Variants in ADGRE2 observed in about 807,000 individuals in gnomAD.
The protein encoded by ADGRE2 is CD97 antigen.
ADGRE2 carries 83 observed loss-of-function variants against 100.8 expected under a neutral mutation model. The observed-to-expected ratio is 0.82, with a 90% CI of 0.69 to 0.99. ADGRE2 has a LOEUF of 0.99. Among genes scored for constraint, ADGRE2 ranks in the 50% least tolerant of loss-of-function variants. The pLI is 0.00. For synonymous variants in ADGRE2, 355 were observed against 413.0 expected (o/e 0.86, Z 1.70); for missense variants, 814 against 1,035.7 (o/e 0.79, Z 2.94).
chr19:14,755,111 T>C lies in ADGRE2; in HGVS notation c.1433A>G (p.Gln478Arg), dbSNP rs1265489811. The C allele has an allele frequency of 6.2e-7, 1 of 1,613,900 alleles. No individual in the cohort carries two copies. Among genetic ancestry groups the C allele is most frequent in the Non-Finnish European group, 8.5e-7 (1 of 1,179,932 alleles). Residue 478 changes from glutamine (Q) to arginine (R), a missense_variant, in exon 14 of 21, where the codon CAG (glutamine) becomes CGG (arginine). Gln to Arg is a conservative substitution (Grantham distance 43, BLOSUM62 1). Coordinates refer to ENST00000315576, the MANE Select transcript of ADGRE2 (RefSeq NM_013447.4). ...CTCCCAGAAGACACAGAGCACCTTCTGTCTCGGGATCACTGACTGCAGGAA... is the reference window on the plus strand; with the variant it reads ...CTCCCAGAAGACACAGAGCACCTTCCGTCTCGGGATCACTGACTGCAGGAA... ...TFSHRSVIPR[Q>R]KVLCVFWEHG...
At chr19:14,768,621 C>T (rs1216524585) in intron 5 of ADGRE2, among the ~76,000 whole-genome samples, 3 of 152,158 alleles carry the variant, frequency 2.0e-5, no homozygotes, top group East Asian at 1.9e-4. Context: ...CCTCTCTTGC[C>T]ATTGGGTCCA....
At chr19:14,773,165 C>T (rs377416466) in intron 4 of ADGRE2, among the ~76,000 whole-genome samples, 2 of 150,582 alleles carry the variant, frequency 1.3e-5, no homozygotes, top group East Asian at 3.9e-4. Flanking sequence ...GTACCCCCTT[C>T]CCAGTCTTAA....
At chr19:14,764,873 C>T (rs1003673451) in intron 10 of ADGRE2, among the ~76,000 whole-genome samples, 4 of 152,184 alleles carry the variant, frequency 2.6e-5, no homozygotes, top group Non-Finnish European at 4.4e-5. Flanking sequence ...AAAAATTAGC[C>T]GGGCGTGGTG....
chr19:14,726,049 A>G, the ADGRE2 span, among the ~76,000 whole-genome samples: 1 of 152,164 alleles, frequency 6.6e-6, no homozygotes, highest in East Asian at 1.9e-4. Flanking sequence ...ACATCCTTTG[A>G]AATCTAGGTG....
chr19:14,736,631 T>C (rs974314079), intron 20 of ADGRE2, among the ~76,000 whole-genome samples: 1 of 146,008 alleles, frequency 6.8e-6, no homozygotes, highest in Non-Finnish European at 1.5e-5. Context: ...TATTTAGAAA[T>C]ATATAGATAT....
chr19:14,769,980 G>C (rs905163562), intron 5 of ADGRE2, among the ~76,000 whole-genome samples: 2 of 152,198 alleles, frequency 1.3e-5, no homozygotes, highest in African/African-American at 4.8e-5. Context: ...TTACAGGCAT[G>C]AGCCACTGCG....
intron 5 of ADGRE2, 65 bp from the exon 6 acceptor site, chr19:14,767,174 C>A: frequency 1.9e-6 from 3 of 1,585,336 alleles, no homozygotes; most frequent in Non-Finnish European, 2.6e-6. Flanking sequence ...GCTGAGGGTC[C>A]GCCATGTTTC....
In ADGRE2 at chr19:14,746,338, A is replaced by T; in HGVS notation, c.2092-15T>A. The T allele has an allele frequency of 6.8e-7, 1 of 1,473,934 alleles. No homozygotes were observed. The highest frequency in any genetic ancestry group is 1.4e-5 in the African/African-American group (1 of 70,044). The allele number at this position is 1,473,934 out of a possible 1,614,324, so 91.3% of individuals were successfully genotyped here. A position where few individuals can be genotyped will look rare whatever the true frequency, so the allele number is the denominator to read the frequency against. On this transcript the variant is annotated splice_polypyrimidine_tract_variant and intron_variant, in intron 17 of 20. Transcript: ENST00000315576. ...ACTAAATTCACCTTCAGAAAACCAC[A>T]GAAGATTTGTTGAATAGATTTTGAA...
At position 14,765,572 on chromosome 19, in the gene ADGRE2, T is replaced by G. The variant is rs747555045; in HGVS notation, c.782-2A>C. 1.9e-6 allele frequency: 3 copies of G among 1,614,182 alleles called. No homozygotes were observed. The African/African-American group carries it at 4.0e-5, about 22-fold the overall frequency. ...GGGTCCAGGTGGAGAAAGTCATATC[T>G]GTAGGGAACAAGACAAGCGGCTCAT... On this transcript the variant is annotated splice_acceptor_variant, in intron 8 of 20. Transcript: ENST00000315576. LOFTEE classifies it high-confidence loss of function.
rs556768634 is a variant in ADGRE2 at position 14,732,556 on chromosome 19, G to T, written c.*3680C>A. On this transcript the variant is annotated 3_prime_UTR_variant, in exon 21 of 21. Coordinates refer to ENST00000315576, the MANE Select transcript of ADGRE2 (RefSeq NM_013447.4). ...TGCTTCCATGAACCTGAACATCATG[G>T]TCTGGAAACTATGGGCAGTGAGTCA... 1 of 152,264 alleles carries T rather than the reference G, an allele frequency of 6.6e-6. No homozygotes were observed. Among genetic ancestry groups the T allele is most frequent in the Non-Finnish European group, 1.5e-5 (1 of 68,028 alleles). 9.4% of individuals were successfully genotyped at this position (152,264 alleles called of 1,614,324 possible). A position where few individuals can be genotyped will look rare whatever the true frequency, so the allele number is the denominator to read the frequency against.
chr19:14,774,151 G>A, intron 3 of ADGRE2, 97 bp from the exon 4 acceptor site: 1 of 1,522,722 alleles, frequency 6.6e-7, no homozygotes, highest in South Asian at 1.1e-5. Flanking sequence ...AGTTTCCCGT[G>A]CACGAGCCCT....
At chr19:14,776,231 TAGAG>T (rs767492886) in intron 2 of ADGRE2, among the ~76,000 whole-genome samples, 23 of 150,824 alleles carry the variant, frequency 1.5e-4, no homozygotes, top group South Asian at 4.2e-4. Flanking sequence ...ATTAGGGAGA[TAGAG>T]AGACTGAAAG....
rs2042991527 is a variant in ADGRE2, at chr19:14,743,518, AT to A, written c.2364del (p.Gln788HisfsTer12). 4 of 1,613,912 alleles carry A rather than the reference AT, an allele frequency of 2.5e-6. No homozygotes were observed. Among genetic ancestry groups the A allele is most frequent in the Non-Finnish European group, 3.4e-6 (4 of 1,179,974 alleles). On this transcript the variant is annotated frameshift_variant, in exon 20 of 21. Coordinates refer to ENST00000315576, the MANE Select transcript of ADGRE2 (RefSeq NM_013447.4). LOFTEE classifies it high-confidence loss of function. ...YCLLSQQVRE[Q>X]YGKWSKGIRK... is the part of the protein sequence containing the mutation. The stretch of plus-strand genomic sequence containing the variant: ...CTGATCCCTTTGGACCATTTCCCAT[AT>A]TGCTCCCGGACCTGCAGAGGCAAAG...
intron 20 of ADGRE2, among the ~76,000 whole-genome samples, chr19:14,737,727 C>G (rs1041986667): frequency 1.3e-5 from 2 of 151,866 alleles, no homozygotes; most frequent in Non-Finnish European, 2.9e-5. Context: ...TTTGGGAGGC[C>G]GAGGCGGGCA....
At position 14,749,810 on chromosome 19, in the gene ADGRE2, T is replaced by C. The variant is rs1452540675; in HGVS notation, c.2024+1626A>G. Among the ~76,000 whole-genome samples, 4 of 66,564 alleles carry C rather than the reference T, an allele frequency of 6.0e-5. 2 individuals carry two copies. The highest frequency in any genetic ancestry group is 5.1e-5 in the Non-Finnish European group (2 of 38,998). 43.7% of individuals were successfully genotyped at this position (66,564 alleles called of 152,430 possible). On this transcript the variant is annotated intron_variant, in intron 16 of 20. Coordinates refer to ENST00000315576, the MANE Select transcript of ADGRE2 (RefSeq NM_013447.4). ...TACATAATTATTTATAGCTGTGTTA[T>C]GTAATTATTCATAGTTACATAATTA...
intron 18 of ADGRE2, among the ~76,000 whole-genome samples, chr19:14,744,398 C>T (rs1478840132): frequency 6.6e-6 from 1 of 152,152 alleles, no homozygotes; most frequent in Non-Finnish European, 1.5e-5. Context: ...ATTAATTTTG[C>T]ACAAGGGTGC....
At chr19:14,738,403 G>T (rs758156932) in intron 20 of ADGRE2, among the ~76,000 whole-genome samples, 14 of 152,018 alleles carry the variant, frequency 9.2e-5, no homozygotes, top group Non-Finnish European at 1.9e-4. Flanking sequence ...CCTGAGACAG[G>T]GGTCTTGCTT....
rs2043328617 is a variant in ADGRE2 at position 14,752,414 on chromosome 19, C to T, written c.1703G>A (p.Ser568Asn). 1.2e-6 allele frequency: 2 copies of T among 1,602,016 alleles called. No individual in the cohort carries two copies. Among genetic ancestry groups the T allele is most frequent in the Non-Finnish European group, 1.7e-6 (2 of 1,170,498 alleles). The change falls in exon 15 of 21, where the codon AGC becomes AAC. Residue 568 changes from serine to asparagine, a missense_variant. Physicochemically the swap from Ser to Asn is conservative, Grantham distance 46 (BLOSUM62 1). Transcript: ENST00000315576. Reference protein sequence around the residue: ...FLLCKAIQNTSTSLHLQLSLC... With the variant: ...FLLCKAIQNTNTSLHLQLSLC... ...CGAGAGCTGCAGATGCAGTGAGGTG[C>T]TGGTGTTCTGGATGGCTTTACACAG... is the stretch of plus-strand genomic sequence containing the variant.
intron 14 of ADGRE2, 39 bp from the exon 15 acceptor site, chr19:14,752,565 C>T (rs561221802): frequency 1.6e-5 from 26 of 1,603,064 alleles, no homozygotes; most frequent in Non-Finnish European, 2.2e-5. Context: ...TGATGCTTTC[C>T]TGCTCTGGGG....
Sources: allele counts gnomAD v4.1 joint callset (sites outside exome capture counted in the v4.1 genomes callset), GRCh38; gene constraint gnomAD v4.1.1; transcripts MANE v1.5; gene names NCBI Gene and HGNC (gene_info 2026-07-23, HGNC 2026-07-21).